The following RPS6KC1 variants were observed in gnomAD, a reference collection of about 807,000 sequenced individuals.
The protein encoded by RPS6KC1 is ribosomal protein S6 kinase C1, also known as inactive ribosomal protein S6 kinase delta-1.
RPS6KC1 carries 54 observed loss-of-function variants against 103.8 expected under a neutral mutation model. The ratio of observed to expected loss-of-function variants is 0.52; its 90% CI spans 0.42 to 0.65. RPS6KC1 has a LOEUF of 0.65. RPS6KC1 is among the 30% of genes least tolerant of loss of function. The pLI, the probability that RPS6KC1 is intolerant of heterozygous loss-of-function variation, is 0.00. For synonymous variants in RPS6KC1, 439 were observed against 438.7 expected (o/e 1.00, Z -0.01); for missense variants, 1,151 against 1,253.8 (o/e 0.92, Z 1.24).
chr1:213,304,295 GA>G, the RPS6KC1 span, among the ~76,000 whole-genome samples: 1 of 150,698 alleles, frequency 6.6e-6, no homozygotes, highest in Non-Finnish European at 1.5e-5. Flanking sequence ...TAAGATCACT[GA>G]AGCCTCATTA....
At chr1:213,627,298 C>T in the RPS6KC1 span, among the ~76,000 whole-genome samples, 1 of 152,138 alleles carries the variant, frequency 6.6e-6, no homozygotes, top group African/African-American at 2.4e-5. Context: ...GCTGAAGTTG[C>T]CTGTCAGCTT....
chr1:213,729,348 G>A, the RPS6KC1 span, among the ~76,000 whole-genome samples: 1 of 152,042 alleles, frequency 6.6e-6, no homozygotes, highest in Admixed American at 6.6e-5. Context: ...GACTCCTTTG[G>A]TGTCCTGGGG....
the RPS6KC1 span, among the ~76,000 whole-genome samples, chr1:213,587,911 C>T: frequency 6.6e-6 from 1 of 152,130 alleles, no homozygotes; most frequent in Non-Finnish European, 1.5e-5. Context: ...GTTGCTGTAA[C>T]AAAATACTTA....
At chr1:213,602,188 T>TC in the RPS6KC1 span, among the ~76,000 whole-genome samples, 2 of 92,574 alleles carry the variant, frequency 2.2e-5, no homozygotes, top group Admixed American at 2.5e-4. Flanking sequence ...CTTTCTTTCT[T>TC]TTTCCCTCCC....
chr1:213,558,676 C>T, the RPS6KC1 span, among the ~76,000 whole-genome samples: 3 of 152,160 alleles, frequency 2.0e-5, no homozygotes, highest in Non-Finnish European at 4.4e-5. Flanking sequence ...TAAGTTTGGC[C>T]TAAAAGTTTC....
rs774349575 is a variant in RPS6KC1, at chr1:213,077,718, G to A, written c.164G>A (p.Ser55Asn). The part of the protein sequence containing the change: ...VQEIIVWKRY[S>N]DFKKLHKELW... ...TAGATAATTGTATGGAAGAGATACA[G>A]TGATTTTAAGAAACTACACAAAGAA... is the stretch of plus-strand genomic sequence containing the variant. The change falls in exon 3 of 15, where the codon AGT (serine) becomes AAT (asparagine). Residue 55 changes from serine to asparagine, a missense_variant. Transcript: ENST00000366960. 16 of 1,485,736 alleles carry A rather than the reference G, an allele frequency of 1.1e-5. 1 individual carries two copies. In the South Asian group the frequency reaches 2.1e-4, roughly 19 times the overall value. The allele number at this position is 1,485,736 out of a possible 1,614,324, so 92.0% of individuals were successfully genotyped here.
At chr1:213,781,717 A>G in the RPS6KC1 span, among the ~76,000 whole-genome samples, 4 of 152,262 alleles carry the variant, frequency 2.6e-5, no homozygotes, top group African/African-American at 9.6e-5. Flanking sequence ...CACACTCCCT[A>G]TTCTGGGTTC....
chr1:213,068,916 T>G (rs1405632851), intron 1 of RPS6KC1, among the ~76,000 whole-genome samples: 4 of 136,056 alleles, frequency 2.9e-5, no homozygotes, highest in African/African-American at 1.1e-4. Flanking sequence ...TGTGTGTGTA[T>G]GCCGACTGTG....
At chr1:213,189,557 A>G (rs1016250477) in intron 8 of RPS6KC1, among the ~76,000 whole-genome samples, 2 of 151,826 alleles carry the variant, frequency 1.3e-5, no homozygotes, top group Non-Finnish European at 2.9e-5. Flanking sequence ...TTTATGGGTT[A>G]TATGAGATAT....
chr1:213,769,497 GAGAGAGAGAGAGAGATGGAC>G, the RPS6KC1 span, among the ~76,000 whole-genome samples: 22 of 123,188 alleles, frequency 1.8e-4, no homozygotes, highest in African/African-American at 5.6e-4. Flanking sequence ...CACCTGGAGA[GAGAGAGAGAGAGAGATGGAC>G]AGAGAGAGAG....
At chr1:213,661,863 A>G in the RPS6KC1 span, among the ~76,000 whole-genome samples, 2 of 152,230 alleles carry the variant, frequency 1.3e-5, no homozygotes, top group Non-Finnish European at 2.9e-5. Context: ...CTAGATGGTT[A>G]GAAGGATCAC....
chr1:213,252,839 T>C (rs1476775338), intron 12 of RPS6KC1, among the ~76,000 whole-genome samples: 1 of 152,220 alleles, frequency 6.6e-6, no homozygotes, highest in Non-Finnish European at 1.5e-5. Context: ...CCTATCATTC[T>C]GCTATTTGGA....
the RPS6KC1 span, among the ~76,000 whole-genome samples, chr1:213,615,852 C>A: frequency 6.6e-5 from 10 of 152,220 alleles, no homozygotes; most frequent in African/African-American, 2.2e-4. Context: ...CTTGAGAGAC[C>A]AATTCCCTAC....
chr1:213,559,693 A>G, the RPS6KC1 span, among the ~76,000 whole-genome samples: 9 of 152,228 alleles, frequency 5.9e-5, no homozygotes, highest in Admixed American at 4.6e-4. Context: ...GTCTAGGCAT[A>G]TAGATCAGTG....
At chr1:213,860,794 G>A in the RPS6KC1 span, among the ~76,000 whole-genome samples, 3 of 151,244 alleles carry the variant, frequency 2.0e-5, no homozygotes, top group Non-Finnish European at 4.4e-5. Context: ...CTAAAGCTTT[G>A]GGATTTCTCT....
chr1:213,319,115 G>A, the RPS6KC1 span, among the ~76,000 whole-genome samples: 3 of 152,266 alleles, frequency 2.0e-5, no homozygotes, highest in South Asian at 2.1e-4. Context: ...AGACCAGCCT[G>A]GCCAACATGG....
At chr1:213,552,860 C>A in the RPS6KC1 span, among the ~76,000 whole-genome samples, 1 of 152,180 alleles carries the variant, frequency 6.6e-6, no homozygotes, top group Non-Finnish European at 1.5e-5. Flanking sequence ...TAATTCCTTT[C>A]ATCTCTCACC....
chr1:213,111,330 A>C (rs1481048132), intron 4 of RPS6KC1, among the ~76,000 whole-genome samples: 1 of 152,196 alleles, frequency 6.6e-6, no homozygotes. Context: ...TATATATCCC[A>C]AAATTTCTAT....
chr1:213,282,955 C>T, the RPS6KC1 span, among the ~76,000 whole-genome samples: 1 of 152,108 alleles, frequency 6.6e-6, no homozygotes, highest in South Asian at 2.1e-4. Context: ...AACTAAGGTC[C>T]TAGGAAGTTG....
Sources: allele counts gnomAD v4.1 joint callset (sites outside exome capture counted in the v4.1 genomes callset), GRCh38; gene constraint gnomAD v4.1.1; transcripts MANE v1.5; gene names NCBI Gene and HGNC (gene_info 2026-07-23, HGNC 2026-07-21).